Variants in CNTN6 observed in about 807,000 individuals in gnomAD.
CNTN6 encodes contactin-6.
A neutral mutation model predicts 122.8 loss-of-function variants in CNTN6; 137 were observed. The observed-to-expected ratio is 1.12, with a 90% CI of 0.97 to 1.29. The LOEUF is 1.29. Among genes scored for constraint, CNTN6 ranks in the 50% most tolerant of loss-of-function variants. CNTN6 has a pLI of 0.00. For missense variants in CNTN6, 1,634 were observed against 1,223.4 expected, an observed-to-expected ratio of 1.34 and a Z score of -5.01; for synonymous variants, 570 against 426.0, an observed-to-expected ratio of 1.34 and a Z score of -4.16.
Position 1,382,794 on chromosome 3 carries a change from A to G in CNTN6, c.2167-148A>G, listed in dbSNP as rs1400824324. On this transcript the variant is annotated intron_variant, in intron 17 of 22. Coordinates refer to ENST00000446702, the MANE Select transcript of CNTN6 (RefSeq NM_001289080.2). ...GGATCATTTTTCTAATTGGCATTCC[A>G]AATAAAAGTGTTTTTTAATACATCA... 3 of 578,466 alleles carry G rather than the reference A, an allele frequency of 5.2e-6. No individual in the cohort carries two copies. In the East Asian group the frequency reaches 8.7e-5, roughly 17 times the overall value. 35.8% of individuals were successfully genotyped at this position (578,466 alleles called of 1,614,324 possible). A position where few individuals can be genotyped will look rare whatever the true frequency, so the allele number is the denominator to read the frequency against.
At chr3:1,155,555 A>G (rs1468201588) in intron 2 of CNTN6, among the ~76,000 whole-genome samples, 1 of 152,140 alleles carries the variant, frequency 6.6e-6, no homozygotes, top group Non-Finnish European at 1.5e-5. Context: ...AAACGAATAC[A>G]GTTTGCTTAG....
At chr3:1,320,674 A>T (rs1210056184) in intron 7 of CNTN6, among the ~76,000 whole-genome samples, 1 of 151,756 alleles carries the variant, frequency 6.6e-6, no homozygotes, top group Non-Finnish European at 1.5e-5. Context: ...ACAAGAGGAA[A>T]GGAGAGATAT....
At chr3:1,220,947 C>A in intron 3 of CNTN6, 134 bp downstream of exon 3, 1 of 914,898 alleles carries the variant, frequency 1.1e-6, no homozygotes, top group Non-Finnish European at 1.5e-6. Flanking sequence ...GGGTATGCAG[C>A]CATGTGACAA....
At chr3:1,370,048 A>G (rs889734794) in intron 12 of CNTN6, among the ~76,000 whole-genome samples, 2 of 152,028 alleles carry the variant, frequency 1.3e-5, no homozygotes, top group Non-Finnish European at 2.9e-5. Flanking sequence ...TCACCTTGCT[A>G]ATGTAACAAA....
chr3:1,254,207 A>G (rs943757148), intron 4 of CNTN6, among the ~76,000 whole-genome samples: 1 of 152,072 alleles, frequency 6.6e-6, no homozygotes, highest in Non-Finnish European at 1.5e-5. Context: ...CTCCCTTCCC[A>G]GAAGTAACCG....
intron 1 of CNTN6, among the ~76,000 whole-genome samples, chr3:1,124,759 T>C (rs1260291265): frequency 6.6e-6 from 1 of 151,960 alleles, no homozygotes; most frequent in Non-Finnish European, 1.5e-5. Context: ...GTTTTACTTA[T>C]TATGATTCAA....
intron 7 of CNTN6, among the ~76,000 whole-genome samples, chr3:1,304,868 C>T (rs1698081421): frequency 1.3e-5 from 2 of 151,412 alleles, no homozygotes; most frequent in African/African-American, 2.4e-5. Context: ...GTGGCAGACA[C>T]CTGTAATCCC....
chr3:1,165,559 T>C lies in CNTN6; in HGVS notation c.55+17496T>C, dbSNP rs148640668. Among the ~76,000 whole-genome samples the C allele has an allele frequency of 1.8e-3, 268 of 152,124 alleles. 9 individuals are homozygous for C. In the East Asian group the frequency reaches 0.046, roughly 26 times the overall value. On this transcript the variant is annotated intron_variant, in intron 2 of 22. Coordinates refer to ENST00000446702, the MANE Select transcript of CNTN6 (RefSeq NM_001289080.2). ...GACACTTTGTGCTGGCCAAACTGAG[T>C]GCATCACCCCCACTACACACACACA...
chr3:1,159,681 A>G (rs1372717479), intron 2 of CNTN6, among the ~76,000 whole-genome samples: 1 of 152,058 alleles, frequency 6.6e-6, no homozygotes, highest in African/African-American at 2.4e-5. Context: ...AGAACAATTA[A>G]TCTATATAAA....
At chr3:1,148,526 A>G (rs13098304) in intron 2 of CNTN6, among the ~76,000 whole-genome samples, 28,053 of 152,004 alleles carry the variant, frequency 0.18, 3,335 homozygotes, top group African/African-American at 0.33. Context: ...AGAAGAAAAG[A>G]TGATATAGAA....
chr3:1,317,609 T>C (rs1700273274), intron 7 of CNTN6, among the ~76,000 whole-genome samples: 1 of 151,732 alleles, frequency 6.6e-6, no homozygotes. Flanking sequence ...AATTATTGAC[T>C]AGAATCTTGG....
At chr3:1,362,379 A>T (rs952701317) in intron 12 of CNTN6, among the ~76,000 whole-genome samples, 31 of 152,254 alleles carry the variant, frequency 2.0e-4, no homozygotes, top group African/African-American at 7.5e-4. Flanking sequence ...TGAAGTTCTC[A>T]GACAAGGGCT....
At chr3:1,136,679 T>C (rs2092483458) in intron 1 of CNTN6, among the ~76,000 whole-genome samples, 1 of 152,128 alleles carries the variant, frequency 6.6e-6, no homozygotes, top group African/African-American at 2.4e-5. Flanking sequence ...TAAGTAGAAA[T>C]GTTTCTCTTT....
At chr3:1,350,864 A>G (rs1559895191) in intron 11 of CNTN6, among the ~76,000 whole-genome samples, 1 of 151,886 alleles carries the variant, frequency 6.6e-6, no homozygotes, top group Non-Finnish European at 1.5e-5. Flanking sequence ...TTTACCTCTT[A>G]TAATTCAAAT....
chr3:1,169,534 G>A (rs371299847), intron 2 of CNTN6, among the ~76,000 whole-genome samples: 17 of 152,104 alleles, frequency 1.1e-4, no homozygotes, highest in African/African-American at 4.1e-4. Flanking sequence ...TTTAACGAGG[G>A]GCTAGAAAAA....
chr3:1,359,807 C>T (rs1707187831), intron 12 of CNTN6, among the ~76,000 whole-genome samples: 1 of 152,062 alleles, frequency 6.6e-6, no homozygotes, highest in Non-Finnish European at 1.5e-5. Flanking sequence ...ACACCGATTT[C>T]CTTGTTCGTT....
chr3:1,332,526 G>GGAAAGAAGGGGCGAGCAAGGAAT (rs1553687740), intron 11 of CNTN6, among the ~76,000 whole-genome samples: 127 of 149,702 alleles, frequency 8.5e-4, no homozygotes, highest in African/African-American at 3.1e-3. Context: ...AAGGAAGGAA[G>GGAAAGAAGGGGCGAGCAAGGAAT]GAAGGAGGGA....
At chr3:1,126,422 T>C (rs2092161256) in intron 1 of CNTN6, among the ~76,000 whole-genome samples, 1 of 151,894 alleles carries the variant, frequency 6.6e-6, no homozygotes, top group South Asian at 2.1e-4. Context: ...CAGTTTGACC[T>C]TTTCCAGTCA....
At chr3:1,377,894 A>T (rs1282466519) in intron 17 of CNTN6, among the ~76,000 whole-genome samples, 1 of 152,152 alleles carries the variant, frequency 6.6e-6, no homozygotes, top group African/African-American at 2.4e-5. Flanking sequence ...GCAAATTATC[A>T]GACGCTGCCA....
Sources: allele counts gnomAD v4.1 joint callset (sites outside exome capture counted in the v4.1 genomes callset), GRCh38; gene constraint gnomAD v4.1.1; transcripts MANE v1.5; gene names NCBI Gene and HGNC (gene_info 2026-07-23, HGNC 2026-07-21).